Variants in ABCA12 observed in about 807,000 individuals in gnomAD.
ABCA12 encodes the protein ATP binding cassette subfamily A member 12.
Under a neutral mutation model 293.5 loss-of-function variants are expected in ABCA12, and 156 were observed. The observed-to-expected ratio is 0.53, with a 90% CI of 0.47 to 0.61. The LOEUF is 0.61. Among genes scored for constraint, ABCA12 ranks in the 20% least tolerant of loss-of-function variants. The pLI is 0.00. For synonymous variants in ABCA12, 1,063 were observed against 1,108.0 expected (o/e 0.96, Z 0.81); for missense variants, 2,797 against 3,090.2 (o/e 0.91, Z 2.25).
At chr2:214,999,352 G>A (rs1258613330) in intron 22 of ABCA12, among the ~76,000 whole-genome samples, 1 of 152,144 alleles carries the variant, frequency 6.6e-6, no homozygotes. Flanking sequence ...TAAACAGGAG[G>A]ACTAGTGTAG....
intron 9 of ABCA12, among the ~76,000 whole-genome samples, chr2:215,028,007 C>T (rs1378305161): frequency 1.3e-5 from 2 of 152,172 alleles, no homozygotes; most frequent in African/African-American, 4.8e-5. Flanking sequence ...TCTGTCGCTT[C>T]AACTGTGAGG....
rs979861746 is a variant in ABCA12, at chr2:215,077,839, C to T, written c.164-13620G>A. Among the ~76,000 whole-genome samples the T allele has an allele frequency of 2.6e-5, 4 of 152,138 alleles. No homozygotes were observed. In the East Asian group the frequency reaches 5.8e-4, roughly 22 times the overall value. On this transcript the variant is annotated intron_variant, in intron 2 of 52. Transcript: ENST00000272895. The stretch of plus-strand genomic sequence containing the variant: ...TCAGCTGGTTTTTGGAATCCGAGAT[C>T]GGACCTTTTATCTATTATTAAATTA...
intron 1 of ABCA12, among the ~76,000 whole-genome samples, chr2:215,127,873 T>A (rs1575061763): frequency 1.3e-5 from 2 of 152,302 alleles, no homozygotes; most frequent in East Asian, 3.9e-4. Flanking sequence ...CTTTTTAACT[T>A]GTATTTTTGT....
chr2:215,130,305 G>A (rs1703026302), intron 1 of ABCA12, among the ~76,000 whole-genome samples: 1 of 151,840 alleles, frequency 6.6e-6, no homozygotes, highest in Admixed American at 6.6e-5. Context: ...TCTATAGATT[G>A]CTTTGGGAAT....
chr2:214,989,387 G>C lies in ABCA12; in HGVS notation c.3771C>G (p.Ile1257Met). The C allele has an allele frequency of 6.2e-7, 1 of 1,613,408 alleles. No individual in the cohort carries two copies. The highest frequency in any genetic ancestry group is 1.1e-5 in the South Asian group (1 of 91,042). Reference sequence around the variant, plus strand: ...GGAAATAAATGAAAGAGTCAGCTAGGATTAGACAGCACAGCCAGCCAAATG... The same window carrying C: ...GGAAATAAATGAAAGAGTCAGCTAGCATTAGACAGCACAGCCAGCCAAATG... ...TTSFGWLCCL[I>M]LADSFIYFLI... Residue 1257 changes from isoleucine (I) to methionine (M), a missense_variant, in exon 26 of 53, where the codon ATC becomes ATG. This residue lies in a region of ABCA12 where 2,130 missense variants were observed against 2,427.0 expected (regional missense o/e 0.88). Transcript: ENST00000272895.
chr2:215,085,756 GAA>G (rs1262903982), intron 2 of ABCA12, among the ~76,000 whole-genome samples: 1 of 152,092 alleles, frequency 6.6e-6, no homozygotes, highest in African/African-American at 2.4e-5. Context: ...AACTGCAGTA[GAA>G]TTATTGGGGC....
At chr2:215,127,346 G>A (rs1323551281) in intron 1 of ABCA12, among the ~76,000 whole-genome samples, 2 of 152,092 alleles carry the variant, frequency 1.3e-5, no homozygotes, top group Non-Finnish European at 1.5e-5. Flanking sequence ...TTGTTTCTTT[G>A]TTGACTTTCT....
rs1251066707 is a variant in ABCA12, at chr2:215,025,561, T to A, written c.1287+112A>T. The A allele has an allele frequency of 6.9e-6, 5 of 729,126 alleles. No individual in the cohort carries two copies. The East Asian group carries it at 8.1e-5, about 12-fold the overall frequency. 45.2% of individuals were successfully genotyped at this position (729,126 alleles called of 1,614,324 possible). ...ATTTACAAAGATCAGATTTAAAACT[T>A]AAAAGTGTATCTTGCCAAATATTAT... On this transcript the variant is annotated intron_variant, in intron 11 of 52. Coordinates refer to ENST00000272895, the MANE Select transcript of ABCA12 (RefSeq NM_173076.3).
chr2:215,003,050 G>C (rs961008728), intron 20 of ABCA12, among the ~76,000 whole-genome samples: 4 of 152,050 alleles, frequency 2.6e-5, no homozygotes, highest in African/African-American at 9.7e-5. Context: ...ATCAAGCTGG[G>C]TTGACTATCA....
chr2:215,016,197 G>A (rs1168674748), intron 14 of ABCA12, among the ~76,000 whole-genome samples: 1 of 151,838 alleles, frequency 6.6e-6, no homozygotes, highest in Non-Finnish European at 1.5e-5. Flanking sequence ...ATTCAGGATG[G>A]CCCCTGGATT....
chr2:215,025,488 G>A, intron 11 of ABCA12, 185 bp downstream of exon 11: 2 of 542,294 alleles, frequency 3.7e-6, no homozygotes, highest in African/African-American at 3.8e-5. Context: ...CATTTTTCTA[G>A]AGTCGTAAGT....
chr2:215,120,173 A>T (rs1475783293), intron 1 of ABCA12, among the ~76,000 whole-genome samples: 1 of 152,242 alleles, frequency 6.6e-6, no homozygotes, highest in Non-Finnish European at 1.5e-5. Flanking sequence ...ATGTAAGAAC[A>T]GAAAACTAAA....
chr2:215,075,563 A>G, intron 2 of ABCA12: 1 of 698,506 alleles, frequency 1.4e-6, no homozygotes, highest in African/African-American at 1.8e-5. Flanking sequence ...TATGCAGGAA[A>G]AAAAAAAAAT....
At chr2:215,054,202 G>T (rs1701375512) in intron 4 of ABCA12, among the ~76,000 whole-genome samples, 2 of 151,996 alleles carry the variant, frequency 1.3e-5, no homozygotes, top group Admixed American at 1.3e-4. Flanking sequence ...CTGTAAAATG[G>T]AAAATCTGGA....
At position 215,025,752 on chromosome 2, in the gene ABCA12, A is replaced by G. The variant is rs758775276; in HGVS notation, c.1208T>C (p.Ile403Thr). 12 of 1,612,886 alleles carry G rather than the reference A, an allele frequency of 7.4e-6. No homozygotes were observed. The highest frequency in any genetic ancestry group is 1.0e-5 in the Non-Finnish European group (12 of 1,179,316). The change falls in exon 11 of 53, where the codon ATA becomes ACA. Residue 403 changes from isoleucine (I) to threonine (T), a missense_variant. By Grantham distance (89) the Ile-to-Thr change is moderately conservative. Transcript: ENST00000272895. The part of the protein sequence containing the change: ...PENLRLLQST[I>T]RFKKSFLRNG... Reference sequence around the variant, plus strand: ...GCGAAGAAAAGATTTTTTAAATCGTATTGTGGACTGCAGGAGTCTTAGATT... The same window carrying G: ...GCGAAGAAAAGATTTTTTAAATCGTGTTGTGGACTGCAGGAGTCTTAGATT...
intron 1 of ABCA12, among the ~76,000 whole-genome samples, chr2:215,122,122 G>A (rs930943440): frequency 6.6e-6 from 1 of 152,056 alleles, no homozygotes; most frequent in African/African-American, 2.4e-5. Context: ...CAGAAGCAAC[G>A]GATTTTTATC....
chr2:215,087,678 A>C (rs1179681585), intron 2 of ABCA12, among the ~76,000 whole-genome samples: 2 of 152,190 alleles, frequency 1.3e-5, no homozygotes, highest in African/African-American at 4.8e-5. Context: ...ACTTGGTGGC[A>C]GACAGTAGAG....
rs1304005259 is a variant in ABCA12, at chr2:214,949,157, G to A, written c.6853-8C>T. 3.7e-6 allele frequency: 6 copies of A among 1,603,846 alleles called. No homozygotes were observed. The highest frequency in any genetic ancestry group is 4.3e-6 in the Non-Finnish European group (5 of 1,170,956). ...TCCAAGAAGCCCAAAACACTGGTTT[G>A]AGGGAGAAAAAGAAGATATAAGCCT... is the stretch of plus-strand genomic sequence containing the variant. On this transcript the variant is annotated splice_region_variant and splice_polypyrimidine_tract_variant and intron_variant, in intron 45 of 52. Coordinates refer to ENST00000272895, the MANE Select transcript of ABCA12 (RefSeq NM_173076.3).
At chr2:215,093,314 T>C (rs1702186192) in intron 2 of ABCA12, among the ~76,000 whole-genome samples, 1 of 152,226 alleles carries the variant, frequency 6.6e-6, no homozygotes, top group African/African-American at 2.4e-5. Flanking sequence ...CACCTTTGAA[T>C]ACCTGGTTTT....
Sources: gnomAD v4.1 joint callset for allele counts (sites outside exome capture counted in the v4.1 genomes callset) on GRCh38, gnomAD v4.1.1 for gene constraint, gnomAD v4.1.1 regional missense constraint, MANE v1.5 for transcripts, NCBI Gene and HGNC (gene_info 2026-07-23, HGNC 2026-07-21) for gene names.